Variants in LRRC49 observed in about 807,000 individuals in gnomAD.
LRRC49 encodes leucine rich repeat containing 49, also known as leucine-rich repeat-containing protein 49.
Under a neutral mutation model 83.3 loss-of-function variants are expected in LRRC49, and 50 were observed. The ratio of observed to expected loss-of-function variants is 0.60; its 90% confidence interval spans 0.48 to 0.76. The LOEUF (loss-of-function observed/expected upper bound fraction) is 0.76, where lower values mean the gene tolerates loss of function less well. Among genes scored for constraint, LRRC49 ranks in the 30% least tolerant of loss-of-function variants. The pLI is 0.00. For missense variants in LRRC49, 704 were observed against 809.1 expected (o/e 0.87, Z 1.58); for synonymous variants, 286 against 283.3 (o/e 1.01, Z -0.10).
In LRRC49 at chr15:71,008,426, T is replaced by C. The variant is rs1268994788; in HGVS notation, c.1217T>C (p.Ile406Thr). Residue 406 changes from isoleucine (I) to threonine (T), a missense_variant, in exon 12 of 16, where the codon ATA (isoleucine) becomes ACA (threonine). Ile to Thr is a moderately conservative substitution (Grantham distance 89). This residue lies in a region of LRRC49 where 275 missense variants were observed against 338.0 expected (regional missense o/e 0.81). Transcript: ENST00000260382. ...AATGCTTTACAAGGTTTATCTGTCA[T>C]AGACACATACCTTGTTGAAGTGGAC... Reference protein sequence around the residue: ...LNNALQGLSVIDTYLVEVDGD... With the variant: ...LNNALQGLSVTDTYLVEVDGD... 5 of 1,612,862 alleles carry C rather than the reference T, an allele frequency of 3.1e-6. No homozygotes were observed. The highest frequency in any genetic ancestry group is 2.5e-6 in the Non-Finnish European group (3 of 1,179,174).
Position 70,904,622 on chromosome 15 carries a change from T to G in LRRC49, c.367T>G (p.Phe123Val), listed in dbSNP as rs1372747178. Residue 123 changes from phenylalanine (F) to valine (V), a missense_variant, in exon 5 of 16, where the codon TTT (phenylalanine) becomes GTT (valine). Physicochemically the swap from Phe to Val is conservative, Grantham distance 50. Coordinates refer to ENST00000260382, the MANE Select transcript of LRRC49 (RefSeq NM_017691.5). ...TCGTTTGTTGAACTTTCAACACAAT[T>G]TTATAACTCGGATACAAAATATTTC... ...HLRLLNFQHN[F>V]ITRIQNISNL... is the part of the protein sequence containing the mutation. 3 of 1,613,498 alleles carry G rather than the reference T, an allele frequency of 1.9e-6. No homozygotes were observed. Among genetic ancestry groups the G allele is most frequent in the Admixed American group, 1.7e-5 (1 of 60,002 alleles).
Position 71,029,659 on chromosome 15 carries a change from C to T in LRRC49, c.1704-7520C>T, listed in dbSNP as rs1451336471. ...ACTGTTACTGTGTGGGAGTCTAAGT[C>T]CCTTTGTAGGTCTCTAAGAAGTTGT... On this transcript the variant is annotated intron_variant, in intron 14 of 15. Coordinates refer to ENST00000260382, the MANE Select transcript of LRRC49 (RefSeq NM_017691.5). 3.9e-5 allele frequency among the ~76,000 whole-genome samples: 6 copies of T among 152,206 alleles called. No individual in the cohort carries two copies. The East Asian group carries it at 1.2e-3, about 29-fold the overall frequency.
chr15:70,857,135 T>A (rs564250919), intron 1 of LRRC49, among the ~76,000 whole-genome samples: 1 of 152,208 alleles, frequency 6.6e-6, no homozygotes, highest in South Asian at 2.1e-4. Flanking sequence ...TTTCCATAGC[T>A]CCTGAGGATG....
intron 2 of LRRC49, chr15:70,894,667 C>A (rs997852266): frequency 1.6e-6 from 2 of 1,264,400 alleles, no homozygotes; most frequent in Admixed American, 4.9e-5. Flanking sequence ...CATCACAATT[C>A]AGGTGTGTCC....
In LRRC49 at chr15:71,010,627, A is replaced by C. The variant is rs1021768662; in HGVS notation, c.1593+635A>C. The stretch of plus-strand genomic sequence containing the variant: ...GTGCCATGACTACATTGGGTAACTC[A>C]GGTCTGGAGCTGAATAGCTGGAAAA... On this transcript the variant is annotated intron_variant, in intron 13 of 15. Transcript: ENST00000260382. 6.6e-5 allele frequency among the ~76,000 whole-genome samples: 10 copies of C among 152,172 alleles called. No individual in the cohort carries two copies. In the South Asian group the frequency reaches 1.0e-3, roughly 16 times the overall value.
intron 14 of LRRC49, among the ~76,000 whole-genome samples, chr15:71,030,782 A>G (rs1371147215): frequency 6.6e-6 from 1 of 151,664 alleles, no homozygotes; most frequent in African/African-American, 2.4e-5. Context: ...TCAATCTCTG[A>G]TATCCTTTCT....
Position 71,031,437 on chromosome 15 carries a change from T to C in LRRC49, c.1704-5742T>C, listed in dbSNP as rs1422272159. ...TCTGTATGAGGTGTCTGTTGGCCCCTGTTGGGAGGTTTCTCCCATTCAGGA... is the reference window on the plus strand; with the variant it reads ...TCTGTATGAGGTGTCTGTTGGCCCCCGTTGGGAGGTTTCTCCCATTCAGGA... On this transcript the variant is annotated intron_variant, in intron 14 of 15. Coordinates refer to ENST00000260382, the MANE Select transcript of LRRC49 (RefSeq NM_017691.5). Among the ~76,000 whole-genome samples the C allele has an allele frequency of 3.9e-5, 6 of 152,224 alleles. No individual in the cohort carries two copies. The South Asian group carries it at 1.2e-3, about 32-fold the overall frequency.
intron 12 of LRRC49, among the ~76,000 whole-genome samples, chr15:71,009,210 T>A (rs2038565364): frequency 6.6e-6 from 1 of 151,894 alleles, no homozygotes; most frequent in South Asian, 2.1e-4. Flanking sequence ...TATTTTCACT[T>A]CATTCTCCCT....
At position 70,936,955 on chromosome 15, in the gene LRRC49, A is replaced by G. The variant is rs964796910; in HGVS notation, c.773+133A>G. 8.1e-6 allele frequency: 5 copies of G among 616,124 alleles called. No homozygotes were observed. In the African/African-American group the frequency reaches 9.2e-5, roughly 11 times the overall value. The allele number at this position is 616,124 out of a possible 1,614,324, so 38.2% of individuals were successfully genotyped here. A position where few individuals can be genotyped will look rare whatever the true frequency, so the allele number is the denominator to read the frequency against. ...TTTTAAATTAGAAAATGATAAGACA[A>G]AGTTCTTTGTGGAAAAGCAAAGCTC... On this transcript the variant is annotated intron_variant, in intron 8 of 15. Transcript: ENST00000260382.
At chr15:70,891,565 C>CTGTG (rs1491474980), upstream of LRRC49, among the ~76,000 whole-genome samples, 35 of 118,950 alleles carry the variant, frequency 2.9e-4, 1 homozygote, top group South Asian at 6.0e-4. Context: ...CAGGACAAGA[C>CTGTG]TCTGTGTGTG....
At chr15:71,014,281 A>G (rs2038753711) in intron 14 of LRRC49, among the ~76,000 whole-genome samples, 1 of 152,218 alleles carries the variant, frequency 6.6e-6, no homozygotes, top group Non-Finnish European at 1.5e-5. Context: ...AGAGAATGTA[A>G]GTTAAAGTTT....
intron 11 of LRRC49, among the ~76,000 whole-genome samples, chr15:71,005,832 C>T (rs897589087): frequency 1.3e-5 from 2 of 151,892 alleles, no homozygotes; most frequent in African/African-American, 4.8e-5. Flanking sequence ...AAAGATGTAC[C>T]CATATCTGCT....
At chr15:70,878,434 C>A (rs1161395311) in intron 2 of LRRC49, among the ~76,000 whole-genome samples, 2 of 151,996 alleles carry the variant, frequency 1.3e-5, no homozygotes, top group Non-Finnish European at 2.9e-5. Flanking sequence ...TCCTTTTTGC[C>A]TTCTTTCCTT....
chr15:70,918,853 T>A, intron 6 of LRRC49, 197 bp from the exon 7 acceptor site: 2 of 474,634 alleles, frequency 4.2e-6, no homozygotes, highest in South Asian at 6.4e-5. Flanking sequence ...TAAAATATGA[T>A]CTTTTAGCTA....
At chr15:71,003,724 C>G (rs1161285676) in intron 11 of LRRC49, among the ~76,000 whole-genome samples, 1 of 152,128 alleles carries the variant, frequency 6.6e-6, no homozygotes, top group Non-Finnish European at 1.5e-5. Flanking sequence ...TTATGATAAT[C>G]ATTTACATAC....
At chr15:71,036,436 A>G (rs938848376) in intron 14 of LRRC49, among the ~76,000 whole-genome samples, 2 of 152,144 alleles carry the variant, frequency 1.3e-5, no homozygotes, top group Admixed American at 1.3e-4. Flanking sequence ...AAATGTTTAA[A>G]AAAGTTATAT....
rs755644235 is a variant in LRRC49, at chr15:70,892,948, T to G, written c.48+6T>G. The G allele has an allele frequency of 1.2e-6, 2 of 1,614,160 alleles. No individual in the cohort carries two copies. Among genetic ancestry groups the G allele is most frequent in the Non-Finnish European group, 1.7e-6 (2 of 1,180,010 alleles). ...CTGGCCGGGCTGCGAACAACGTAAG[T>G]TGGGCCTTCTACTTTCTCTTTCTTC... On this transcript the variant is annotated splice_donor_region_variant and intron_variant, in intron 1 of 15. Transcript: ENST00000260382.
chr15:70,854,185 C>G, intron 1 of LRRC49: 2 of 903,438 alleles, frequency 2.2e-6, no homozygotes, highest in Non-Finnish European at 2.8e-6. Context: ...GCGGTGCGAG[C>G]GCGCCTGCCG....
chr15:71,047,225 G>A lies in LRRC49; in HGVS notation c.1858-2184G>A, dbSNP rs116257785. ...AATTTTTTTTCTAATTCTGTGAAGAGTGACATTGGGAATTTGATATGAATA... is the reference window on the plus strand; with the variant it reads ...AATTTTTTTTCTAATTCTGTGAAGAATGACATTGGGAATTTGATATGAATA... On this transcript the variant is annotated intron_variant, in intron 15 of 15. Transcript: ENST00000260382. 4.8e-3 allele frequency among the ~76,000 whole-genome samples: 727 copies of A among 152,222 alleles called. 9 individuals are homozygous for A. The highest frequency in any genetic ancestry group is 0.017 in the African/African-American group (708 of 41,552).
Sources: gnomAD v4.1 joint callset for allele counts (sites outside exome capture counted in the v4.1 genomes callset) on GRCh38, gnomAD v4.1.1 for gene constraint, gnomAD v4.1.1 regional missense constraint, MANE v1.5 for transcripts, NCBI Gene and HGNC (gene_info 2026-07-23, HGNC 2026-07-21) for gene names.